SQSTM1: variants seen among roughly 807,000 people sequenced by gnomAD.
SQSTM1 encodes sequestosome 1.
In SQSTM1, 36 loss-of-function variants were observed where a neutral mutation model predicts 45.1. The observed-to-expected ratio is 0.80, with a 90% CI of 0.61 to 1.05. The LOEUF is 1.05. Ranked by LOEUF, SQSTM1 falls within the 50% of genes least tolerant of loss-of-function variation. The pLI is 0.00. For missense variants in SQSTM1, 617 were observed against 607.1 expected (o/e 1.02, Z -0.17); for synonymous variants, 290 against 244.3 (o/e 1.19, Z -1.74).
At chr5:179,817,938 C>T (rs1757632578), upstream of SQSTM1, among the ~76,000 whole-genome samples, 1 of 141,064 alleles carries the variant, frequency 7.1e-6, no homozygotes, top group African/African-American at 2.7e-5. Flanking sequence ...TTGCTTGAAC[C>T]TGGGAGGCAG....
Position 179,836,682 on chromosome 5 carries a change from G to A in SQSTM1, c.*89G>A. 6.3e-7 allele frequency: 1 copy of A among 1,589,478 alleles called. No individual in the cohort carries two copies. Among genetic ancestry groups the A allele is most frequent in the South Asian group, 1.1e-5 (1 of 90,566 alleles). Reference sequence around the variant, plus strand: ...GAATTGCAGGTCTCTGTACGGGCCAGTTTCTCTGCCTTCTTCCAGGATCAG... The same window carrying A: ...GAATTGCAGGTCTCTGTACGGGCCAATTTCTCTGCCTTCTTCCAGGATCAG... On this transcript the variant is annotated 3_prime_UTR_variant, in exon 8 of 8. Coordinates refer to ENST00000389805, the MANE Select transcript of SQSTM1 (RefSeq NM_003900.5).
In SQSTM1 at chr5:179,821,921, A is replaced by C. The variant is rs548645802; in HGVS notation, c.205+780A>C. Among the ~76,000 whole-genome samples, 30 of 151,864 alleles carry C rather than the reference A, an allele frequency of 2.0e-4. No individual in the cohort carries two copies. The East Asian group carries it at 5.8e-3, about 29-fold the overall frequency. On this transcript the variant is annotated intron_variant, in intron 1 of 7. Transcript: ENST00000389805. Reference sequence around the variant, plus strand: ...TAGGACCTCCCTCTGGAGCGCTGCCAGCATACCAGGCCCTCTCCTATTCTT... The same window carrying C: ...TAGGACCTCCCTCTGGAGCGCTGCCCGCATACCAGGCCCTCTCCTATTCTT...
At position 179,836,680 on chromosome 5, in the gene SQSTM1, C is replaced by G; in HGVS notation, c.*87C>G. 6.3e-7 allele frequency: 1 copy of G among 1,590,602 alleles called. No individual in the cohort carries two copies. The highest frequency in any genetic ancestry group is 2.2e-5 in the East Asian group (1 of 44,778). On this transcript the variant is annotated 3_prime_UTR_variant, in exon 8 of 8. Transcript: ENST00000389805. The stretch of plus-strand genomic sequence containing the variant: ...TAGAATTGCAGGTCTCTGTACGGGC[C>G]AGTTTCTCTGCCTTCTTCCAGGATC...
upstream of SQSTM1, chr5:179,820,331 T>A (rs1757725576): frequency 6.6e-6 from 1 of 152,254 alleles, no homozygotes; most frequent in Non-Finnish European, 1.5e-5. Flanking sequence ...CAGGCCAGAG[T>A]CGGGGTCCGT....
upstream of SQSTM1, among the ~76,000 whole-genome samples, chr5:179,816,057 G>A (rs1032106765): frequency 6.6e-6 from 1 of 152,190 alleles, no homozygotes; most frequent in Non-Finnish European, 1.5e-5. Flanking sequence ...CTGGAGGTGG[G>A]GGACTGCGGT....
chr5:179,816,253 A>G (rs543544068), upstream of SQSTM1, among the ~76,000 whole-genome samples: 3 of 152,260 alleles, frequency 2.0e-5, no homozygotes, highest in East Asian at 1.9e-4. Flanking sequence ...GGCTCAAGCA[A>G]TTCTCTTGCC....
At chr5:179,818,094 C>G (rs1287427703), upstream of SQSTM1, among the ~76,000 whole-genome samples, 1 of 150,222 alleles carries the variant, frequency 6.7e-6, no homozygotes, top group Non-Finnish European at 1.5e-5. Flanking sequence ...GAAGGCCCCG[C>G]TGAGGAGGAG....
chr5:179,812,171 G>A (rs1757447035), intron 2 of SQSTM1: 1 of 152,260 alleles, frequency 6.6e-6, no homozygotes, highest in African/African-American at 2.4e-5. Context: ...ACAGATTAAG[G>A]AATGATCTCC....
intron 5 of SQSTM1, among the ~76,000 whole-genome samples, chr5:179,830,715 G>A (rs543367070): frequency 6.6e-6 from 1 of 152,130 alleles, no homozygotes; most frequent in African/African-American, 2.4e-5. Flanking sequence ...CCGCCACCAT[G>A]CCTGGCTAAT....
At chr5:179,818,484 T>C (rs1021291270), upstream of SQSTM1, among the ~76,000 whole-genome samples, 4 of 152,054 alleles carry the variant, frequency 2.6e-5, no homozygotes, top group African/African-American at 9.7e-5. Context: ...TGCCAAGGCA[T>C]AGGATTATTT....
chr5:179,824,769 T>C (rs1757926967), intron 4 of SQSTM1, among the ~76,000 whole-genome samples: 1 of 152,254 alleles, frequency 6.6e-6, no homozygotes, highest in Non-Finnish European at 1.5e-5. Context: ...ATTTTATTAA[T>C]GTTACTGTGT....
chr5:179,815,923 TAGTC>T (rs145963339), upstream of SQSTM1, among the ~76,000 whole-genome samples: 4,827 of 151,978 alleles, frequency 0.032, 301 homozygotes, highest in African/African-American at 0.11. Flanking sequence ...TGAGCCCACA[TAGTC>T]AGGGCAGGGA....
At chr5:179,833,982 C>T (rs1561606483) in intron 7 of SQSTM1, among the ~76,000 whole-genome samples, 200 bp downstream of exon 7, 1 of 152,050 alleles carries the variant, frequency 6.6e-6, no homozygotes, top group Non-Finnish European at 1.5e-5. Flanking sequence ...TAATGCAGTT[C>T]TGAAAATGTT....
At chr5:179,808,659 A>C (rs558944248) in intron 1 of SQSTM1, among the ~76,000 whole-genome samples, 1 of 151,694 alleles carries the variant, frequency 6.6e-6, no homozygotes, top group South Asian at 2.1e-4. Flanking sequence ...CTACTAAAAA[A>C]TACAAAAAAT....
At chr5:179,834,130 G>A (rs972034040) in intron 7 of SQSTM1, among the ~76,000 whole-genome samples, 3 of 139,604 alleles carry the variant, frequency 2.1e-5, no homozygotes, top group African/African-American at 8.0e-5. Context: ...ACACTCAAGT[G>A]CCGCCTCAGG....
intron 7 of SQSTM1, chr5:179,835,830 A>G: frequency 6.0e-6 from 1 of 165,736 alleles, no homozygotes; most frequent in Non-Finnish European, 1.3e-5. Flanking sequence ...AGTTGCTGCA[A>G]AAGGTATTAT....
At chr5:179,833,848 G>A in intron 7 of SQSTM1, 66 bp downstream of exon 7, 6 of 1,541,264 alleles carry the variant, frequency 3.9e-6, no homozygotes, top group Non-Finnish European at 5.4e-6. Flanking sequence ...GCCCTCCTCT[G>A]ATTTCAGCGA....
rs1228396202 is a variant in SQSTM1, at chr5:179,806,827, G to C, written c.-157+236G>C. 1.3e-5 allele frequency: 2 copies of C among 150,248 alleles called. No homozygotes were observed. Among genetic ancestry groups the C allele is most frequent in the African/African-American group, 4.9e-5 (2 of 41,202 alleles). 9.3% of individuals were successfully genotyped at this position (150,248 alleles called of 1,614,324 possible). A position where few individuals can be genotyped will look rare whatever the true frequency, so the allele number is the denominator to read the frequency against. ...GAACAGGCTCAGAAGGGCAGAGGCA[G>C]GTATCAGGCTCACTGCAGATATCAG... On this transcript the variant is annotated intron_variant, in intron 1 of 5. Transcript: ENST00000514093. This position sits in a 1 kb window ranked among gnomAD's most constrained non-coding sequence, Gnocchi z 4.6.
In SQSTM1 at chr5:179,836,655, T is replaced by C; in HGVS notation, c.*62T>C. On this transcript the variant is annotated 3_prime_UTR_variant, in exon 8 of 8. Transcript: ENST00000389805. ...GTCTCATAGTTGTGTTAAGCTTGCG[T>C]AGAATTGCAGGTCTCTGTACGGGCC... is the stretch of plus-strand genomic sequence containing the variant. 6.2e-7 allele frequency: 1 copy of C among 1,611,284 alleles called. No homozygotes were observed. Among genetic ancestry groups the C allele is most frequent in the Non-Finnish European group, 8.5e-7 (1 of 1,177,462 alleles).
Sources: allele counts gnomAD v4.1 joint callset (sites outside exome capture counted in the v4.1 genomes callset), GRCh38; gene constraint gnomAD v4.1.1; non-coding constraint Gnocchi (gnomAD v3.1); transcripts MANE v1.5; gene names NCBI Gene and HGNC (gene_info 2026-07-23, HGNC 2026-07-21).